Variants in VAV2 observed in about 807,000 individuals in gnomAD.
VAV2 encodes guanine nucleotide exchange factor VAV2.
VAV2 carries 67 observed loss-of-function variants against 132.5 expected under a neutral mutation model. The ratio of observed to expected loss-of-function variants is 0.51; its 90% CI spans 0.42 to 0.62. The LOEUF (loss-of-function observed/expected upper bound fraction) is 0.62, where lower values mean the gene tolerates loss of function less well. Among genes scored for constraint, VAV2 ranks in the 20% least tolerant of loss-of-function variants. VAV2 has a pLI of 0.00. For missense variants in VAV2, 938 were observed against 1,153.6 expected, an observed-to-expected ratio of 0.81 and a Z score of 2.71; for synonymous variants, 492 against 443.5, an observed-to-expected ratio of 1.11 and a Z score of -1.37.
intron 2 of VAV2, among the ~76,000 whole-genome samples, chr9:133,925,487 G>A (rs899455598): frequency 6.6e-6 from 1 of 152,214 alleles, no homozygotes; most frequent in Non-Finnish European, 1.5e-5. Context: ...CAAAGTGCTG[G>A]GATTACAGGC....
In VAV2 at chr9:133,912,680, G is replaced by A. The variant is rs987389916; in HGVS notation, c.321+26423C>T. 6.6e-6 allele frequency among the ~76,000 whole-genome samples: 1 copy of A among 152,146 alleles called. No homozygotes were observed. Among genetic ancestry groups the A allele is most frequent in the African/African-American group, 2.4e-5 (1 of 41,418 alleles). On this transcript the variant is annotated intron_variant, in intron 2 of 29. Transcript: ENST00000371850. The surrounding 1 kb of genome is among the most constrained non-coding windows in gnomAD (Gnocchi z 4.3). The stretch of plus-strand genomic sequence containing the variant: ...CTCCCGAGGCGCTCCCAAGCTGTCA[G>A]GCAGCCATCCTCAGGGGCTGCAGTC...
chr9:133,881,753 GAATT>G, intron 2 of VAV2, among the ~76,000 whole-genome samples: 1 of 152,378 alleles, frequency 6.6e-6, no homozygotes, highest in East Asian at 1.9e-4. Flanking sequence ...GCCCAGACAG[GAATT>G]AATTATTTAA....
intron 2 of VAV2, chr9:133,925,935 A>G (rs1326399471): frequency 1.3e-5 from 2 of 149,082 alleles, no homozygotes; most frequent in African/African-American, 5.0e-5. Flanking sequence ...GACACAATTA[A>G]TGTCTTGGGG....
At chr9:133,939,713 C>T (rs535899743) in intron 1 of VAV2, among the ~76,000 whole-genome samples, 4 of 152,374 alleles carry the variant, frequency 2.6e-5, no homozygotes, top group Non-Finnish European at 5.9e-5. Context: ...CACGTGGGCA[C>T]GTGCACAGGC....
intron 1 of VAV2, among the ~76,000 whole-genome samples, chr9:133,990,263 G>A (rs1198390355): frequency 2.6e-5 from 4 of 152,112 alleles, no homozygotes; most frequent in Admixed American, 2.0e-4. Flanking sequence ...CCAGCAGCGG[G>A]ACCCCTAGAC....
In VAV2 at chr9:133,961,894, G is replaced by C. The variant is rs1730593519; in HGVS notation, c.205-22675C>G. Among the ~76,000 whole-genome samples the C allele has an allele frequency of 6.6e-6, 1 of 152,118 alleles. No homozygotes were observed. The highest frequency in any genetic ancestry group is 2.1e-4 in the South Asian group (1 of 4,820). On this transcript the variant is annotated intron_variant, in intron 1 of 29. Coordinates refer to ENST00000371850, the MANE Select transcript of VAV2 (RefSeq NM_001134398.2). The surrounding 1 kb of genome is among the most constrained non-coding windows in gnomAD (Gnocchi z 4.1). ...TCACCGTGAGCCTCATCCACCCAGAGGGTGCCCCCACCCTGACTCCTCACC... is the reference window on the plus strand; with the variant it reads ...TCACCGTGAGCCTCATCCACCCAGACGGTGCCCCCACCCTGACTCCTCACC...
intron 2 of VAV2, among the ~76,000 whole-genome samples, chr9:133,887,854 T>G (rs1299016442): frequency 6.7e-6 from 1 of 150,292 alleles, no homozygotes; most frequent in Non-Finnish European, 1.5e-5. Flanking sequence ...GTAAGGCTCC[T>G]GCGTGGCCAG....
chr9:133,811,553 T>C (rs1835358681), intron 5 of VAV2, among the ~76,000 whole-genome samples: 1 of 152,192 alleles, frequency 6.6e-6, no homozygotes, highest in East Asian at 1.9e-4. Context: ...ACCTTCCACA[T>C]AGCAGCTGCT....
At chr9:133,989,865 G>A (rs142141214) in intron 1 of VAV2, among the ~76,000 whole-genome samples, 8 of 152,346 alleles carry the variant, frequency 5.3e-5, no homozygotes, top group East Asian at 1.9e-4. Context: ...AGCCGTCCCC[G>A]TGCAGGCAAC....
chr9:133,961,017 G>A lies in VAV2; in HGVS notation c.205-21798C>T, dbSNP rs964313835. On this transcript the variant is annotated intron_variant, in intron 1 of 29. Coordinates refer to ENST00000371850, the MANE Select transcript of VAV2 (RefSeq NM_001134398.2). The surrounding 1 kb of genome is among the most constrained non-coding windows in gnomAD (Gnocchi z 4.1). Reference sequence around the variant, plus strand: ...CCACAGGTCTGCCGCCTTGCAATGCGACGCCTGCCTGGGAGCGCAGGTGAG... The same window carrying A: ...CCACAGGTCTGCCGCCTTGCAATGCAACGCCTGCCTGGGAGCGCAGGTGAG... Among the ~76,000 whole-genome samples the A allele has an allele frequency of 8.5e-5, 13 of 152,232 alleles. No homozygotes were observed. The highest frequency in any genetic ancestry group is 1.9e-4 in the African/African-American group (8 of 41,468).
At chr9:133,812,935 G>A (rs934855436) in intron 4 of VAV2, among the ~76,000 whole-genome samples, 4 of 152,140 alleles carry the variant, frequency 2.6e-5, no homozygotes, top group Non-Finnish European at 4.4e-5. Flanking sequence ...TCGTGTACTC[G>A]ATGCAGCTCC....
chr9:133,921,965 C>T (rs568406881), intron 2 of VAV2, among the ~76,000 whole-genome samples: 11 of 152,362 alleles, frequency 7.2e-5, no homozygotes, highest in African/African-American at 2.2e-4. Context: ...GCTTGCTTCC[C>T]GGCACCGGCA....
intron 13 of VAV2, 33 bp from the exon 14 acceptor site, chr9:133,789,376 C>T (rs1247759254): frequency 1.2e-6 from 2 of 1,608,144 alleles, no homozygotes; most frequent in African/African-American, 1.3e-5. Flanking sequence ...TCAGCCGGGG[C>T]TGGAGCAGCC....
chr9:133,821,953 T>C (rs939818624), intron 4 of VAV2, among the ~76,000 whole-genome samples: 45 of 152,144 alleles, frequency 3.0e-4, no homozygotes, highest in African/African-American at 1.1e-3. Context: ...AGATGCTAAA[T>C]CCCGACCATT....
intron 2 of VAV2, among the ~76,000 whole-genome samples, chr9:133,890,533 C>G (rs1040691103): frequency 2.0e-5 from 3 of 152,258 alleles, no homozygotes; most frequent in Non-Finnish European, 2.9e-5. Flanking sequence ...CCCACCACCC[C>G]CTAGAGTCCC....
chr9:133,963,914 T>C (rs1319500137), intron 1 of VAV2, among the ~76,000 whole-genome samples: 4 of 151,444 alleles, frequency 2.6e-5, no homozygotes, highest in Non-Finnish European at 4.4e-5. Context: ...ATGGAAAGTA[T>C]AGCACAGCCC....
chr9:133,784,192 G>GTATA, intron 18 of VAV2, 125 bp downstream of exon 18: 1 of 1,051,216 alleles, frequency 9.5e-7, no homozygotes, highest in East Asian at 2.4e-5. Context: ...CTCTTGTGGG[G>GTATA]TATACTCCCT....
At position 133,838,855 on chromosome 9, in the gene VAV2, G is replaced by GGATGGATGGA. The variant is rs1836592357; in HGVS notation, c.381-4516_381-4515insTCCATCCATC. Among the ~76,000 whole-genome samples the GGATGGATGGA allele has an allele frequency of 3.6e-5, 4 of 110,272 alleles. No homozygotes were observed. In the South Asian group the frequency reaches 1.2e-3, roughly 33 times the overall value. 72.3% of individuals were successfully genotyped at this position (110,272 alleles called of 152,430 possible). ...AGTGGGTTGGTGGATGGATGAATGGGTGGGTGGGTGGGTGGATGGATAGAT... is the reference window on the plus strand; with the variant it reads ...AGTGGGTTGGTGGATGGATGAATGGGGATGGATGGATGGGTGGGTGGGTGGATGGATAGAT... On this transcript the variant is annotated intron_variant, in intron 3 of 29. Transcript: ENST00000371850.
At position 133,969,153 on chromosome 9, in the gene VAV2, T is replaced by C. The variant is rs759727740; in HGVS notation, c.204+22922A>G. ...TTCCCCCGAGAGCTGGATTCCACCG[T>C]GCCCGCCGGGCCTGCGAGGACGAGA... is the stretch of plus-strand genomic sequence containing the variant. On this transcript the variant is annotated intron_variant, in intron 1 of 29. Transcript: ENST00000371850. The surrounding 1 kb of genome is among the most constrained non-coding windows in gnomAD (Gnocchi z 5.1). 4.9e-4 allele frequency among the ~76,000 whole-genome samples: 74 copies of C among 151,682 alleles called. No individual in the cohort carries two copies. The highest frequency in any genetic ancestry group is 1.0e-3 in the Non-Finnish European group (69 of 67,874).
Sources: gnomAD v4.1 joint callset for allele counts (sites outside exome capture counted in the v4.1 genomes callset) on GRCh38, gnomAD v4.1.1 for gene constraint, Gnocchi (gnomAD v3.1) non-coding constraint, MANE v1.5 for transcripts, NCBI Gene and HGNC (gene_info 2026-07-23, HGNC 2026-07-21) for gene names.